KIF6: variants seen among roughly 807,000 people sequenced by gnomAD.
The protein encoded by KIF6 is kinesin-like protein KIF6.
Under a neutral mutation model 112.7 loss-of-function variants are expected in KIF6, and 106 were observed. The observed-to-expected ratio is 0.94, with a 90% CI of 0.80 to 1.11. The LOEUF is 1.11. Ranked by LOEUF, KIF6 falls within the 50% of genes least tolerant of loss-of-function variation. The probability of loss-of-function intolerance (pLI) is 0.00; values close to 1 mark genes in which losing one functional copy is unlikely to be tolerated. For missense variants in KIF6, 929 were observed against 964.0 expected (o/e 0.96, Z 0.48); for synonymous variants, 339 against 339.9 (o/e 1.00, Z 0.03).
At chr6:39,528,324 T>C (rs1777852401) in intron 13 of KIF6, among the ~76,000 whole-genome samples, 2 of 152,236 alleles carry the variant, frequency 1.3e-5, no homozygotes, top group Admixed American at 6.5e-5. Context: ...AGTATCGCAT[T>C]GTGTATCTGT....
At chr6:39,568,072 T>C (rs1215746780) in intron 10 of KIF6, among the ~76,000 whole-genome samples, 1 of 152,214 alleles carries the variant, frequency 6.6e-6, no homozygotes, top group Non-Finnish European at 1.5e-5. Flanking sequence ...TGAGAGCCCA[T>C]GTGCTAGGTA....
chr6:39,380,723 A>G (rs114320181), intron 16 of KIF6, among the ~76,000 whole-genome samples: 1,671 of 152,244 alleles, frequency 0.011, 32 homozygotes, highest in African/African-American at 0.038. Context: ...TGAAGCCACC[A>G]GTATGATCTC....
intron 7 of KIF6, among the ~76,000 whole-genome samples, chr6:39,588,156 T>G (rs755418175): frequency 6.6e-6 from 1 of 152,088 alleles, no homozygotes; most frequent in Non-Finnish European, 1.5e-5. Context: ...GTTTTCTGTC[T>G]TATCTACACT....
chr6:39,456,572 T>C (rs1352070031), intron 13 of KIF6, among the ~76,000 whole-genome samples: 1 of 118,898 alleles, frequency 8.4e-6, no homozygotes, highest in Admixed American at 9.2e-5. Context: ...AGACACAGAC[T>C]GGCAAGTTGG....
At chr6:39,361,645 G>A (rs936113719) in intron 17 of KIF6, among the ~76,000 whole-genome samples, 4 of 151,906 alleles carry the variant, frequency 2.6e-5, no homozygotes, top group East Asian at 1.9e-4. Context: ...GACGACTGGC[G>A]AGGGCCCCAA....
At chr6:39,407,354 A>G (rs1288005448) in intron 15 of KIF6, among the ~76,000 whole-genome samples, 1 of 152,214 alleles carries the variant, frequency 6.6e-6, no homozygotes, top group Non-Finnish European at 1.5e-5. Flanking sequence ...CTTGCCTATT[A>G]AGATGCCCCT....
At chr6:39,515,871 G>A (rs1202011574) in intron 13 of KIF6, among the ~76,000 whole-genome samples, 1 of 152,180 alleles carries the variant, frequency 6.6e-6, no homozygotes, top group Non-Finnish European at 1.5e-5. Flanking sequence ...TAAAATCACT[G>A]AGATGGATCT....
chr6:39,658,263 T>G (rs1256730276), intron 3 of KIF6, among the ~76,000 whole-genome samples: 2 of 152,194 alleles, frequency 1.3e-5, no homozygotes, highest in Admixed American at 1.3e-4. Context: ...GTTTTCTATA[T>G]ACATAATGGA....
At chr6:39,684,607 C>A (rs1302898385) in intron 3 of KIF6, among the ~76,000 whole-genome samples, 3 of 138,488 alleles carry the variant, frequency 2.2e-5, no homozygotes, top group Non-Finnish European at 4.7e-5. Flanking sequence ...CAAGAGCAAA[C>A]CTCTGTCTCA....
intron 13 of KIF6, among the ~76,000 whole-genome samples, chr6:39,524,936 A>G (rs772229304): frequency 6.6e-6 from 1 of 152,208 alleles, no homozygotes; most frequent in Non-Finnish European, 1.5e-5. Flanking sequence ...TTGGGGATGC[A>G]ATGTTCAATA....
In KIF6 at chr6:39,342,625, TTTTTTA is replaced by T. The variant is rs1164888968; in HGVS notation, c.2428+1078_2428+1083del. On this transcript the variant is annotated intron_variant, in intron 22 of 22. Transcript: ENST00000287152. The surrounding 1 kb of genome is among the most constrained non-coding windows in gnomAD (Gnocchi z 4.7). ...TATTTTTTTTTATTTTTTTTTATTT[TTTTTTA>T]TTTTTAGACAAGGAAACTGAGAATG... is the stretch of plus-strand genomic sequence containing the variant. 2.5e-3 allele frequency among the ~76,000 whole-genome samples: 316 copies of T among 127,882 alleles called. 46 individuals are homozygous for T. Among genetic ancestry groups the T allele is most frequent in the African/African-American group, 0.01 (306 of 29,934 alleles). 83.9% of individuals were successfully genotyped at this position (127,882 alleles called of 152,430 possible). A position where few individuals can be genotyped will look rare whatever the true frequency, so the allele number is the denominator to read the frequency against.
intron 13 of KIF6, among the ~76,000 whole-genome samples, chr6:39,497,282 G>A (rs560141177): frequency 2.0e-5 from 3 of 152,302 alleles, no homozygotes; most frequent in African/African-American, 7.2e-5. Context: ...GCTCAAAAAC[G>A]ACTTTCCAGA....
intron 13 of KIF6, among the ~76,000 whole-genome samples, chr6:39,465,268 G>T (rs1412152535): frequency 2.0e-5 from 3 of 152,224 alleles, no homozygotes; most frequent in African/African-American, 7.2e-5. Context: ...ATAGAGCATG[G>T]CAAGATGCAT....
At chr6:39,634,605 C>T (rs558093451) in intron 5 of KIF6, among the ~76,000 whole-genome samples, 13 of 152,152 alleles carry the variant, frequency 8.5e-5, no homozygotes, top group African/African-American at 2.9e-4. Flanking sequence ...AAATTCATTG[C>T]ACTCTCTTCT....
chr6:39,451,676 T>C (rs971970393), intron 13 of KIF6, among the ~76,000 whole-genome samples: 2 of 152,106 alleles, frequency 1.3e-5, no homozygotes, highest in Non-Finnish European at 2.9e-5. Flanking sequence ...AATGTTAAGG[T>C]TCTTACATCC....
intron 10 of KIF6, among the ~76,000 whole-genome samples, chr6:39,555,762 G>A (rs1779670785): frequency 6.6e-6 from 1 of 151,886 alleles, no homozygotes. Context: ...AGACCAGCCT[G>A]GCCAACATGC....
At chr6:39,644,812 A>G (rs960987153) in intron 3 of KIF6, among the ~76,000 whole-genome samples, 5 of 152,228 alleles carry the variant, frequency 3.3e-5, no homozygotes, top group Admixed American at 2.6e-4. Flanking sequence ...ATGTTTTAGT[A>G]TTTGAATTAC....
At chr6:39,498,803 A>G (rs1775942735) in intron 13 of KIF6, among the ~76,000 whole-genome samples, 1 of 152,194 alleles carries the variant, frequency 6.6e-6, no homozygotes, top group African/African-American at 2.4e-5. Flanking sequence ...AAAAATTGTT[A>G]TAAAAAACAG....
intron 6 of KIF6, among the ~76,000 whole-genome samples, chr6:39,604,641 T>A (rs1273715760): frequency 1.3e-5 from 2 of 152,166 alleles, no homozygotes; most frequent in African/African-American, 2.4e-5. Flanking sequence ...TCAAAGTAGT[T>A]TTGTAAAAGA....
Sources: gnomAD v4.1 joint callset for allele counts (sites outside exome capture counted in the v4.1 genomes callset) on GRCh38, gnomAD v4.1.1 for gene constraint, Gnocchi (gnomAD v3.1) non-coding constraint, MANE v1.5 for transcripts, NCBI Gene and HGNC (gene_info 2026-07-23, HGNC 2026-07-21) for gene names.